The following GRM7 variants were observed in gnomAD, a reference collection of about 807,000 sequenced individuals.
The protein encoded by GRM7 is glutamate metabotropic receptor 7.
A neutral mutation model predicts 84.5 loss-of-function variants in GRM7; 35 were observed. The ratio of observed to expected loss-of-function variants is 0.41; its 90% CI spans 0.32 to 0.55. The LOEUF (loss-of-function observed/expected upper bound fraction) is 0.55. Among genes scored for constraint, GRM7 ranks in the 20% least tolerant of loss-of-function variants. GRM7 has a pLI of 0.19. For synonymous variants in GRM7, 487 were observed against 455.1 expected, an observed-to-expected ratio of 1.07 and a Z score of -0.89; for missense variants, 1,003 against 1,194.6, an observed-to-expected ratio of 0.84 and a Z score of 2.36.
At chr3:7,214,597 G>T (rs529026683) in intron 2 of GRM7, among the ~76,000 whole-genome samples, 107 of 152,314 alleles carry the variant, frequency 7.0e-4, no homozygotes, top group Non-Finnish European at 1.1e-3. Context: ...ATGTAGACAA[G>T]TACTTGAGCT....
chr3:7,234,872 T>C (rs1455160991), intron 2 of GRM7, among the ~76,000 whole-genome samples: 1 of 152,142 alleles, frequency 6.6e-6, no homozygotes, highest in Non-Finnish European at 1.5e-5. Context: ...TCTTGAAAGG[T>C]GCCAGATCAA....
intron 4 of GRM7, among the ~76,000 whole-genome samples, chr3:7,367,291 A>G (rs1476890265): frequency 6.6e-6 from 1 of 151,470 alleles, no homozygotes; most frequent in Non-Finnish European, 1.5e-5. Context: ...CCATTGCTAT[A>G]TTTCCAGTGA....
chr3:6,956,590 C>G (rs1158421741), intron 1 of GRM7: 1 of 456,712 alleles, frequency 2.2e-6, no homozygotes, highest in South Asian at 1.5e-5. Context: ...TATCCTGTCT[C>G]AGTTTCCCAA....
intron 8 of GRM7, among the ~76,000 whole-genome samples, chr3:7,664,564 GGT>G (rs1699603995): frequency 6.6e-6 from 1 of 152,134 alleles, no homozygotes; most frequent in African/African-American, 2.4e-5. Flanking sequence ...AGAACGTGCA[GGT>G]GTGTTACATA....
rs145851226 is a variant in GRM7, at chr3:7,328,646, C to G, written c.1033+21994C>G. Among the ~76,000 whole-genome samples the G allele has an allele frequency of 5.3e-4, 80 of 152,282 alleles. 1 individual carries two copies. The Middle Eastern group carries it at 0.01, about 19-fold the overall frequency. On this transcript the variant is annotated intron_variant, in intron 4 of 9. Transcript: ENST00000357716. ...GTTGAGCCTCAGTGCCAGCCCTAGACTTTCTGCTTTTGGAATACTTGTTAG... is the reference window on the plus strand; with the variant it reads ...GTTGAGCCTCAGTGCCAGCCCTAGAGTTTCTGCTTTTGGAATACTTGTTAG...
intron 2 of GRM7, among the ~76,000 whole-genome samples, chr3:7,214,154 G>GATAAGAAC (rs1696524447): frequency 1.3e-5 from 2 of 151,294 alleles, no homozygotes; most frequent in African/African-American, 4.9e-5. Flanking sequence ...GATTCTTGGG[G>GATAAGAAC]ATAAGAACTC....
At chr3:7,322,313 A>G (rs1700812912) in intron 4 of GRM7, among the ~76,000 whole-genome samples, 1 of 152,078 alleles carries the variant, frequency 6.6e-6, no homozygotes, top group Non-Finnish European at 1.5e-5. Flanking sequence ...AAAGTTACAT[A>G]AGAATATATC....
At chr3:7,508,539 T>G (rs971790344) in intron 7 of GRM7, among the ~76,000 whole-genome samples, 3 of 152,164 alleles carry the variant, frequency 2.0e-5, no homozygotes, top group Non-Finnish European at 4.4e-5. Flanking sequence ...TGCTAAATAC[T>G]CATGAATGAT....
chr3:7,269,645 G>A (rs925907136), intron 2 of GRM7, among the ~76,000 whole-genome samples: 2 of 152,198 alleles, frequency 1.3e-5, no homozygotes, highest in African/African-American at 4.8e-5. Flanking sequence ...TGCCAGGCTG[G>A]TGATGTACAT....
intron 1 of GRM7, among the ~76,000 whole-genome samples, chr3:7,006,936 A>T (rs1695199536): frequency 6.6e-6 from 1 of 152,248 alleles, no homozygotes; most frequent in Non-Finnish European, 1.5e-5. Flanking sequence ...TATGAAAATA[A>T]CTTCAAACAG....
chr3:7,606,385 G>A (rs1696572311), intron 8 of GRM7, among the ~76,000 whole-genome samples: 1 of 152,142 alleles, frequency 6.6e-6, no homozygotes, highest in African/African-American at 2.4e-5. Flanking sequence ...TTAAAAATCT[G>A]ATTAGGTGAA....
At chr3:7,114,324 C>A (rs1044140723) in intron 1 of GRM7, among the ~76,000 whole-genome samples, 1 of 152,098 alleles carries the variant, frequency 6.6e-6, no homozygotes, top group African/African-American at 2.4e-5. Flanking sequence ...CCTTCACATA[C>A]CTTACTTCAA....
chr3:6,974,162 A>G lies in GRM7; in HGVS notation c.519+112255A>G, dbSNP rs576516287. On this transcript the variant is annotated intron_variant, in intron 1 of 9. Coordinates refer to ENST00000357716, the MANE Select transcript of GRM7 (RefSeq NM_000844.4). ...AAGAGCAGCAAAGATGATTCCACAA[A>G]GCCATCAGCCTGAACAACAGAGAGA... Among the ~76,000 whole-genome samples the G allele has an allele frequency of 6.7e-4, 102 of 152,350 alleles. 1 individual carries two copies. Among genetic ancestry groups the G allele is most frequent in the African/African-American group, 2.4e-3 (98 of 41,574 alleles).
intron 1 of GRM7, among the ~76,000 whole-genome samples, chr3:6,927,743 C>T (rs1697364416): frequency 6.6e-6 from 1 of 151,972 alleles, no homozygotes; most frequent in African/African-American, 2.4e-5. Context: ...ATTACATTTT[C>T]AATTAACATC....
chr3:7,580,742 C>A (rs59880622), intron 8 of GRM7, among the ~76,000 whole-genome samples: 4 of 152,010 alleles, frequency 2.6e-5, no homozygotes, highest in Admixed American at 1.3e-4. Flanking sequence ...CTAAAATATA[C>A]GCTCAATAAG....
Position 7,663,163 on chromosome 3 carries a change from C to T in GRM7, c.2452-16886C>T, listed in dbSNP as rs180893477. ...CAAGTGCAGGAGGTGTATTTGGAAA[C>T]GCCCTTAGTATCAGCACCAGTGGGC... On this transcript the variant is annotated intron_variant, in intron 8 of 9. Coordinates refer to ENST00000357716, the MANE Select transcript of GRM7 (RefSeq NM_000844.4). Among the ~76,000 whole-genome samples, 338 of 152,226 alleles carry T rather than the reference C, an allele frequency of 2.2e-3. 2 individuals are homozygous for T. The highest frequency in any genetic ancestry group is 7.5e-3 in the African/African-American group (310 of 41,530).
At chr3:7,059,428 C>G (rs571372182) in intron 1 of GRM7, among the ~76,000 whole-genome samples, 1 of 151,794 alleles carries the variant, frequency 6.6e-6, no homozygotes, top group East Asian at 2.0e-4. Flanking sequence ...AGTTTCTATT[C>G]AATACTTTCA....
chr3:7,586,518 A>G (rs1695522355), intron 8 of GRM7, among the ~76,000 whole-genome samples: 1 of 152,184 alleles, frequency 6.6e-6, no homozygotes, highest in Non-Finnish European at 1.5e-5. Context: ...GTAAAAAGCA[A>G]TGGACCAGGC....
At chr3:7,383,447 C>T (rs1264003532) in intron 4 of GRM7, among the ~76,000 whole-genome samples, 1 of 152,158 alleles carries the variant, frequency 6.6e-6, no homozygotes, top group Non-Finnish European at 1.5e-5. Context: ...AGAGCAGTTT[C>T]ATGTTATTAG....
Sources: gnomAD v4.1 joint callset for allele counts (sites outside exome capture counted in the v4.1 genomes callset) on GRCh38, gnomAD v4.1.1 for gene constraint, MANE v1.5 for transcripts, NCBI Gene and HGNC (gene_info 2026-07-23, HGNC 2026-07-21) for gene names.